KLF12: variants seen among roughly 807,000 people sequenced by gnomAD.
KLF12 encodes the protein Krueppel-like factor 12.
In KLF12, 9 loss-of-function variants were observed where a neutral mutation model predicts 37.8. The observed-to-expected ratio is 0.24, with a 90% CI of 0.14 to 0.42. The LOEUF (loss-of-function observed/expected upper bound fraction) is 0.42, where lower values mean the gene tolerates loss of function less well. Among genes scored for constraint, KLF12 ranks in the 10% least tolerant of loss-of-function variants. The probability of loss-of-function intolerance (pLI) is 1.00; values close to 1 mark genes in which losing one functional copy is unlikely to be tolerated. For synonymous variants in KLF12, 208 were observed against 202.1 expected, an observed-to-expected ratio of 1.03 and a Z score of -0.25; for missense variants, 411 against 516.0, an observed-to-expected ratio of 0.80 and a Z score of 1.97.
intron 1 of KLF12, among the ~76,000 whole-genome samples, chr13:74,088,471 G>A (rs113467380): frequency 1.9e-3 from 289 of 152,092 alleles, no homozygotes; most frequent in African/African-American, 4.6e-3. Context: ...TAAGCGATCC[G>A]CCCACCACAG....
chr13:74,178,621 T>A, the KLF12 span, among the ~76,000 whole-genome samples: 1 of 152,238 alleles, frequency 6.6e-6, no homozygotes, highest in Admixed American at 6.5e-5. Context: ...GGAAATTGAA[T>A]GAGGATGTCA....
intron 1 of KLF12, among the ~76,000 whole-genome samples, chr13:74,131,618 G>T (rs956216102): frequency 6.6e-6 from 1 of 152,122 alleles, no homozygotes; most frequent in Non-Finnish European, 1.5e-5. Flanking sequence ...GTAATAAAAA[G>T]CATTCCACAA....
At chr13:73,961,702 CACCTT>C (rs1891026064) in intron 2 of KLF12, among the ~76,000 whole-genome samples, 1 of 152,122 alleles carries the variant, frequency 6.6e-6, no homozygotes, top group African/African-American at 2.4e-5. Flanking sequence ...GGGCAACAGA[CACCTT>C]ACCAAACAAG....
Position 73,695,422 on chromosome 13 carries a change from T to C in KLF12, c.*68A>G. 6.7e-7 allele frequency: 1 copy of C among 1,487,838 alleles called. No individual in the cohort carries two copies. The highest frequency in any genetic ancestry group is 9.3e-7 in the Non-Finnish European group (1 of 1,075,146). The allele number at this position is 1,487,838 out of a possible 1,614,324, so 92.2% of individuals were successfully genotyped here. A position where few individuals can be genotyped will look rare whatever the true frequency, so the allele number is the denominator to read the frequency against. On this transcript the variant is annotated 3_prime_UTR_variant, in exon 8 of 8. Coordinates refer to ENST00000377669, the MANE Select transcript of KLF12 (RefSeq NM_007249.5). ...TTTGTGTTAACACTGTGAAGGGGAT[T>C]CAGCCCTGCTGAATTGGGTGCCGCT...
At chr13:74,209,746 A>G in the KLF12 span, among the ~76,000 whole-genome samples, 2 of 152,226 alleles carry the variant, frequency 1.3e-5, no homozygotes, top group African/African-American at 4.8e-5. Context: ...AGATTACATC[A>G]TATATGTGAA....
At chr13:74,094,364 G>T (rs1414500859) in intron 1 of KLF12, among the ~76,000 whole-genome samples, 2 of 151,820 alleles carry the variant, frequency 1.3e-5, no homozygotes, top group Admixed American at 1.3e-4. Flanking sequence ...TGGAGGGGAA[G>T]AAATGATCCA....
chr13:73,742,355 TAG>T (rs1470970638), intron 6 of KLF12, among the ~76,000 whole-genome samples: 8 of 152,144 alleles, frequency 5.3e-5, no homozygotes, highest in African/African-American at 1.4e-4. Context: ...GCTCAAAATA[TAG>T]AGTGTATATA....
chr13:74,104,040 G>A (rs541437487), intron 1 of KLF12, among the ~76,000 whole-genome samples: 1 of 152,242 alleles, frequency 6.6e-6, no homozygotes, highest in East Asian at 1.9e-4. Flanking sequence ...GGGAATAATG[G>A]GTTATAAAAT....
the KLF12 span, among the ~76,000 whole-genome samples, chr13:74,303,638 A>G: frequency 6.6e-6 from 1 of 152,122 alleles, no homozygotes; most frequent in Non-Finnish European, 1.5e-5. Context: ...CTTTTACTGA[A>G]CACCTCTTTT....
At position 74,087,522 on chromosome 13, in the gene KLF12, C is replaced by G. The variant is rs1467789816; in HGVS notation, c.-32+46217G>C. On this transcript the variant is annotated intron_variant, in intron 1 of 7. Coordinates refer to ENST00000377669, the MANE Select transcript of KLF12 (RefSeq NM_007249.5). ...GGGGCTCAACGTCTGCTGAATACCT[C>G]TCTGGGCTTCAACTATGTGCCAAGA... is the stretch of plus-strand genomic sequence containing the variant. Among the ~76,000 whole-genome samples the G allele has an allele frequency of 2.0e-5, 3 of 152,124 alleles. No homozygotes were observed. The East Asian group carries it at 5.8e-4, about 29-fold the overall frequency.
chr13:73,992,870 G>C (rs1892006575), intron 2 of KLF12, among the ~76,000 whole-genome samples: 2 of 152,158 alleles, frequency 1.3e-5, no homozygotes, highest in South Asian at 4.1e-4. Context: ...TTAAAAACAA[G>C]CATCAATGTA....
rs1566198854 is a variant in KLF12, at chr13:74,072,399, ATATATAT to A, written c.-32+61333_-32+61339del. ...TATATATATATATATATATATATAT[ATATATAT>A]AAAAGATTATCTACAAGAAACTAAA... On this transcript the variant is annotated intron_variant, in intron 1 of 7. Coordinates refer to ENST00000377669, the MANE Select transcript of KLF12 (RefSeq NM_007249.5). Among the ~76,000 whole-genome samples, 154 of 130,966 alleles carry A rather than the reference ATATATAT, an allele frequency of 1.2e-3. 2 individuals are homozygous for A. In the East Asian group the frequency reaches 0.016, roughly 13 times the overall value. The allele number at this position is 130,966 out of a possible 152,430, so 85.9% of individuals were successfully genotyped here. A position where few individuals can be genotyped will look rare whatever the true frequency, so the allele number is the denominator to read the frequency against.
chr13:74,201,723 TCC>T, the KLF12 span, among the ~76,000 whole-genome samples: 1 of 152,174 alleles, frequency 6.6e-6, no homozygotes, highest in Non-Finnish European at 1.5e-5. Context: ...CTTCTCTGGC[TCC>T]TCTCAGATGG....
chr13:73,849,623 T>A (rs1158120399), intron 3 of KLF12, among the ~76,000 whole-genome samples: 4 of 152,058 alleles, frequency 2.6e-5, no homozygotes, highest in Admixed American at 2.0e-4. Flanking sequence ...TCAAAGGGGA[T>A]AAGAACACTG....
chr13:73,858,737 TA>T (rs1402073712), intron 3 of KLF12, among the ~76,000 whole-genome samples: 1 of 152,190 alleles, frequency 6.6e-6, no homozygotes, highest in Non-Finnish European at 1.5e-5. Flanking sequence ...CATCACTTTT[TA>T]AAAGTGAACT....
intron 6 of KLF12, among the ~76,000 whole-genome samples, chr13:73,717,512 GT>G (rs1477339431): frequency 6.6e-6 from 1 of 152,164 alleles, no homozygotes; most frequent in Non-Finnish European, 1.5e-5. Context: ...CTGCACACGT[GT>G]CTTCAGATTT....
At chr13:73,948,016 C>T (rs558142389) in intron 2 of KLF12, among the ~76,000 whole-genome samples, 3 of 152,238 alleles carry the variant, frequency 2.0e-5, no homozygotes, top group African/African-American at 7.2e-5. Flanking sequence ...ATAACTGCTG[C>T]TATTTGTTTT....
intron 6 of KLF12, among the ~76,000 whole-genome samples, chr13:73,741,115 G>T (rs1029762423): frequency 2.0e-5 from 3 of 152,058 alleles, no homozygotes; most frequent in African/African-American, 7.3e-5. Flanking sequence ...CTCTAAAGAC[G>T]TTTTATTCAT....
chr13:73,725,313 C>G (rs113375287), intron 6 of KLF12, among the ~76,000 whole-genome samples: 22,805 of 152,066 alleles, frequency 0.15, 2,789 homozygotes, highest in African/African-American at 0.34. Context: ...TGTTCGCCAG[C>G]ATGGTCTTGA....
Sources: allele counts gnomAD v4.1 joint callset (sites outside exome capture counted in the v4.1 genomes callset), GRCh38; gene constraint gnomAD v4.1.1; transcripts MANE v1.5; gene names NCBI Gene and HGNC (gene_info 2026-07-23, HGNC 2026-07-21).